The following NLN variants were observed in gnomAD, a reference collection of about 807,000 sequenced individuals.
NLN encodes the protein neurolysin, mitochondrial.
A neutral mutation model predicts 79.9 loss-of-function variants in NLN; 64 were observed. That is an observed-to-expected ratio of 0.80 (90% confidence interval 0.65 to 0.99). The LOEUF is 0.99. Ranked by LOEUF, NLN falls within the 50% of genes least tolerant of loss-of-function variation. The probability of loss-of-function intolerance (pLI) is 0.00; values close to 1 mark genes in which losing one functional copy is unlikely to be tolerated. For missense variants in NLN, 835 were observed against 858.7 expected (o/e 0.97, Z 0.34); for synonymous variants, 267 against 296.6 (o/e 0.90, Z 1.02).
intron 1 of NLN, among the ~76,000 whole-genome samples, chr5:65,747,063 T>C (rs1239821679): frequency 6.6e-6 from 1 of 151,678 alleles, no homozygotes; most frequent in African/African-American, 2.4e-5. Context: ...GTGATGTCTC[T>C]GGAAGAGATT....
intron 3 of NLN, among the ~76,000 whole-genome samples, chr5:65,764,380 A>G (rs576690275): frequency 6.6e-6 from 1 of 152,364 alleles, no homozygotes; most frequent in East Asian, 1.9e-4. Flanking sequence ...TACAAAAATT[A>G]GCCAGGCATG....
rs1209287815 is a variant in NLN at position 65,758,779 on chromosome 5, A to C, written c.254A>C (p.Tyr85Ser). The change falls in exon 2 of 13, where the codon TAC (tyrosine) becomes TCC (serine). Residue 85 changes from tyrosine to serine, a missense_variant. By Grantham distance (144) the Tyr-to-Ser change is moderately radical. Coordinates refer to ENST00000380985, the MANE Select transcript of NLN (RefSeq NM_020726.5). ...VGMLGIEEVT[Y>S]ENCLQALADV... ...ATGCTCGGTATTGAGGAAGTAACTTACGAGAACTGTCTGCAGGCACTGGCA... is the reference window on the plus strand; with the variant it reads ...ATGCTCGGTATTGAGGAAGTAACTTCCGAGAACTGTCTGCAGGCACTGGCA... The C allele has an allele frequency of 6.2e-7, 1 of 1,613,872 alleles. No homozygotes were observed.
chr5:65,801,430 G>A (rs1252012077), intron 9 of NLN, among the ~76,000 whole-genome samples: 1 of 152,146 alleles, frequency 6.6e-6, no homozygotes, highest in Admixed American at 6.5e-5. Context: ...GTTTCTGTGT[G>A]GACATACACA....
chr5:65,786,625 G>A (rs150496341), intron 7 of NLN, among the ~76,000 whole-genome samples: 298 of 152,094 alleles, frequency 2.0e-3, no homozygotes, highest in Non-Finnish European at 3.4e-3. Context: ...GGGAGGCCGA[G>A]GTGAGAGGAC....
At chr5:65,723,905 TTC>T (rs536149560) in intron 1 of NLN, among the ~76,000 whole-genome samples, 36 of 151,790 alleles carry the variant, frequency 2.4e-4, no homozygotes, top group Middle Eastern at 3.4e-3. Flanking sequence ...ACCTAAGAGC[TTC>T]TGTTTGTGTG....
In NLN at chr5:65,769,398, A is replaced by G. The variant is rs181767883; in HGVS notation, c.450+6290A>G. Reference sequence around the variant, plus strand: ...ATTGTACATTTGGAAATAACAAAGTATAACTGGATTGTTTGTAACACAAAA... The same window carrying G: ...ATTGTACATTTGGAAATAACAAAGTGTAACTGGATTGTTTGTAACACAAAA... On this transcript the variant is annotated intron_variant, in intron 3 of 12. Transcript: ENST00000380985. 5.3e-4 allele frequency among the ~76,000 whole-genome samples: 81 copies of G among 152,356 alleles called. No individual in the cohort carries two copies. In the Middle Eastern group the frequency reaches 0.014, roughly 26 times the overall value.
intron 9 of NLN, among the ~76,000 whole-genome samples, chr5:65,806,976 A>G (rs963869562): frequency 2.0e-5 from 3 of 152,166 alleles, no homozygotes; most frequent in African/African-American, 7.2e-5. Flanking sequence ...CAGGAGTTTG[A>G]GACCAGCCTG....
chr5:65,758,763 A>G lies in NLN; in HGVS notation c.238A>G (p.Ile80Val), dbSNP rs141139705. The G allele has an allele frequency of 3.1e-6, 5 of 1,613,752 alleles. No homozygotes were observed. In the South Asian group the frequency reaches 3.3e-5, roughly 11 times the overall value. The change falls in exon 2 of 13, where the codon ATT becomes GTT. Residue 80 changes from isoleucine to valine, a missense_variant. By Grantham distance (29) the Ile-to-Val change is conservative. Transcript: ENST00000380985. Reference sequence around the variant, plus strand: ...GTACGATGCTGTTGGAATGCTCGGTATTGAGGAAGTAACTTACGAGAACTG... The same window carrying G: ...GTACGATGCTGTTGGAATGCTCGGTGTTGAGGAAGTAACTTACGAGAACTG... ...QVYDAVGMLG[I>V]EEVTYENCLQ...
chr5:65,784,141 AGT>A (rs2150758936), intron 6 of NLN, among the ~76,000 whole-genome samples: 2 of 152,326 alleles, frequency 1.3e-5, no homozygotes, highest in South Asian at 4.1e-4. Flanking sequence ...GTGTGACCTC[AGT>A]GTGTGATTTT....
rs933093081 is a variant in NLN at position 65,823,267 on chromosome 5, G to A, written c.*352G>A. The A allele has an allele frequency of 3.5e-5, 6 of 169,236 alleles. No individual in the cohort carries two copies. Among genetic ancestry groups the A allele is most frequent in the African/African-American group, 1.4e-4 (6 of 41,662 alleles). 10.5% of individuals were successfully genotyped at this position (169,236 alleles called of 1,614,324 possible). ...TTGAATCATATATATGATATAATTT[G>A]ATCCTTCTTGTATCTTGAAGTTTTG... is the stretch of plus-strand genomic sequence containing the variant. On this transcript the variant is annotated 3_prime_UTR_variant, in exon 13 of 13. Transcript: ENST00000380985.
At chr5:65,787,042 T>A (rs972168823) in intron 7 of NLN, among the ~76,000 whole-genome samples, 1 of 152,168 alleles carries the variant, frequency 6.6e-6, no homozygotes, top group African/African-American at 2.4e-5. Context: ...GGTGATTGCA[T>A]ACACTAAAAT....
chr5:65,786,628 G>A (rs1375954072), intron 7 of NLN, among the ~76,000 whole-genome samples: 2 of 151,972 alleles, frequency 1.3e-5, no homozygotes, highest in Non-Finnish European at 2.9e-5. Flanking sequence ...AGGCCGAGGT[G>A]AGAGGACTAC....
At chr5:65,771,007 T>C (rs749795148) in intron 3 of NLN, among the ~76,000 whole-genome samples, 7 of 152,212 alleles carry the variant, frequency 4.6e-5, no homozygotes, top group Non-Finnish European at 1.0e-4. Context: ...TTGCACAGGT[T>C]ACCTGTTGCA....
chr5:65,731,082 C>G (rs900478347), intron 1 of NLN, among the ~76,000 whole-genome samples: 3 of 152,226 alleles, frequency 2.0e-5, no homozygotes, highest in African/African-American at 7.2e-5. Flanking sequence ...CTCTGCTGAT[C>G]TCTGCTATCC....
chr5:65,761,982 C>T (rs1759349821), intron 2 of NLN, among the ~76,000 whole-genome samples: 1 of 152,176 alleles, frequency 6.6e-6, no homozygotes, highest in Admixed American at 6.5e-5. Flanking sequence ...CACAGCATAA[C>T]ACAACCATCA....
At chr5:65,723,087 G>A (rs2150729003) in intron 1 of NLN, 1 of 152,364 alleles carries the variant, frequency 6.6e-6, no homozygotes, top group African/African-American at 2.4e-5. Flanking sequence ...AAGATGGTGA[G>A]GGAATTAAAT....
intron 1 of NLN, among the ~76,000 whole-genome samples, chr5:65,752,686 G>C (rs1303687162): frequency 6.6e-6 from 1 of 152,134 alleles, no homozygotes; most frequent in African/African-American, 2.4e-5. Flanking sequence ...ATGTAACAAA[G>C]GGGAAGAGGA....
At chr5:65,754,255 A>G (rs1759168494) in intron 1 of NLN, among the ~76,000 whole-genome samples, 1 of 152,128 alleles carries the variant, frequency 6.6e-6, no homozygotes, top group Non-Finnish European at 1.5e-5. Context: ...TGCCATTCAA[A>G]GTGTCTGTTT....
intron 9 of NLN, among the ~76,000 whole-genome samples, chr5:65,800,874 G>T (rs1436692782): frequency 1.3e-5 from 2 of 151,588 alleles, no homozygotes; most frequent in East Asian, 3.9e-4. Context: ...TATAGTTTTT[G>T]TAGAGATGGG....
Sources: allele counts gnomAD v4.1 joint callset (sites outside exome capture counted in the v4.1 genomes callset), GRCh38; gene constraint gnomAD v4.1.1; transcripts MANE v1.5; gene names NCBI Gene and HGNC (gene_info 2026-07-23, HGNC 2026-07-21).